Variants in PLEKHG1 observed in about 807,000 individuals in gnomAD.
PLEKHG1 encodes the protein pleckstrin homology and RhoGEF domain containing G1.
Under a neutral mutation model 100.8 loss-of-function variants are expected in PLEKHG1, and 44 were observed. That is an observed-to-expected ratio of 0.44 (90% CI 0.34 to 0.56). The LOEUF (loss-of-function observed/expected upper bound fraction) is 0.56, where lower values mean the gene tolerates loss of function less well. PLEKHG1 is among the 20% of genes least tolerant of loss of function. The probability of loss-of-function intolerance (pLI) is 0.01; values close to 1 mark genes in which losing one functional copy is unlikely to be tolerated. For missense variants in PLEKHG1, 1,545 were observed against 1,720.9 expected (o/e 0.90, Z 1.81); for synonymous variants, 640 against 662.5 (o/e 0.97, Z 0.52).
At chr6:150,756,223 C>T (rs1469803887) in intron 2 of PLEKHG1, among the ~76,000 whole-genome samples, 1 of 152,178 alleles carries the variant, frequency 6.6e-6, no homozygotes, top group Non-Finnish European at 1.5e-5. Flanking sequence ...AACATCCCAT[C>T]ACTTTGGCCC....
intron 3 of PLEKHG1, among the ~76,000 whole-genome samples, chr6:150,776,470 G>A (rs1055492702): frequency 7.6e-6 from 1 of 130,802 alleles, no homozygotes; most frequent in Non-Finnish European, 1.5e-5. Flanking sequence ...TCACACTGAT[G>A]CAATCCTGGC....
intron 3 of PLEKHG1, among the ~76,000 whole-genome samples, chr6:150,675,305 G>C (rs1410002822): frequency 6.6e-6 from 1 of 152,156 alleles, no homozygotes; most frequent in Non-Finnish European, 1.5e-5. Context: ...GAGCTTACCT[G>C]AAGACACGCG....
At chr6:150,674,044 G>A (rs941287363) in intron 3 of PLEKHG1, among the ~76,000 whole-genome samples, 5 of 152,134 alleles carry the variant, frequency 3.3e-5, no homozygotes, top group Admixed American at 6.5e-5. Context: ...CACACAAAGT[G>A]TGTAGACATG....
At chr6:150,787,873 A>T (rs1046131322) in intron 4 of PLEKHG1, among the ~76,000 whole-genome samples, 1 of 152,254 alleles carries the variant, frequency 6.6e-6, no homozygotes, top group Non-Finnish European at 1.5e-5. Context: ...GCTTACACAT[A>T]CAATCCTTTT....
intron 2 of PLEKHG1, among the ~76,000 whole-genome samples, chr6:150,648,239 T>C (rs185362052): frequency 1.3e-5 from 2 of 152,254 alleles, no homozygotes; most frequent in East Asian, 3.9e-4. Context: ...ATATTTCTTT[T>C]ATGGTATCTT....
intron 1 of PLEKHG1, among the ~76,000 whole-genome samples, chr6:150,617,972 C>G (rs1173866886): frequency 1.3e-5 from 2 of 152,138 alleles, no homozygotes; most frequent in Admixed American, 6.5e-5. Flanking sequence ...GTGGGAGACT[C>G]AGCATGCGTG....
At chr6:150,829,055 A>G (rs1372447918) in intron 14 of PLEKHG1, among the ~76,000 whole-genome samples, 4 of 152,332 alleles carry the variant, frequency 2.6e-5, no homozygotes, top group African/African-American at 7.2e-5. Flanking sequence ...TTCCCTCTCT[A>G]ATAGATATTC....
At position 150,703,956 on chromosome 6, in the gene PLEKHG1, T is replaced by G. The variant is rs552559174; in HGVS notation, c.-98-29628T>G. Among the ~76,000 whole-genome samples the G allele has an allele frequency of 2.0e-5, 3 of 152,396 alleles. No homozygotes were observed. In the East Asian group the frequency reaches 5.8e-4, roughly 29 times the overall value. On this transcript the variant is annotated intron_variant, in intron 3 of 3. Coordinates refer to the PLEKHG1 transcript ENST00000367326. ...ATATTATTATCCCTGACAATGGAAC[T>G]AATTTTAAGTCTTTTCAGTTTGACA...
intron 1 of PLEKHG1, among the ~76,000 whole-genome samples, chr6:150,607,202 T>C (rs1776637034): frequency 6.6e-6 from 1 of 152,036 alleles, no homozygotes; most frequent in Non-Finnish European, 1.5e-5. Flanking sequence ...TTAGCCAGGA[T>C]GATTTAAGGC....
At chr6:150,681,546 T>TA (rs1779933424) in intron 3 of PLEKHG1, among the ~76,000 whole-genome samples, 1 of 152,100 alleles carries the variant, frequency 6.6e-6, no homozygotes, top group Admixed American at 6.5e-5. Flanking sequence ...TCTTTTTTTT[T>TA]ATTTCCCTTC....
chr6:150,824,845 T>A (rs1188219264), intron 14 of PLEKHG1, among the ~76,000 whole-genome samples: 1 of 152,154 alleles, frequency 6.6e-6, no homozygotes, highest in African/African-American at 2.4e-5. Context: ...TAATCTTACC[T>A]TTAAGTGATT....
In PLEKHG1 at chr6:150,840,240, C is replaced by T. The variant is rs1017719233; in HGVS notation, c.3502C>T (p.Arg1168Trp). The change falls in exon 16 of 16, where the codon CGG becomes TGG. Residue 1168 changes from arginine (R) to tryptophan (W), a missense_variant. Coordinates refer to ENST00000358517, the Ensembl canonical transcript of PLEKHG1. Reference sequence around the variant, plus strand: ...GGACCATCTTTACAACTCCTTGGGTCGGAAAGGGATCAGCGCTAAATCTCA... The same window carrying T: ...GGACCATCTTTACAACTCCTTGGGTTGGAAAGGGATCAGCGCTAAATCTCA... The T allele has an allele frequency of 1.9e-5, 30 of 1,614,028 alleles. No individual in the cohort carries two copies. The highest frequency in any genetic ancestry group is 9.3e-5 in the African/African-American group (7 of 74,896).
At position 150,628,580 on chromosome 6, in the gene PLEKHG1, C is replaced by G. The variant is rs574690336; in HGVS notation, c.-203-9500C>G. 1.1e-4 allele frequency among the ~76,000 whole-genome samples: 4 copies of G among 38,024 alleles called. No individual in the cohort carries two copies. The South Asian group carries it at 4.1e-3, about 39-fold the overall frequency. 24.9% of individuals were successfully genotyped at this position (38,024 alleles called of 152,430 possible). The stretch of plus-strand genomic sequence containing the variant: ...CACACACACACACACACACACACCC[C>G]GTCCTTGCCCTCCTGCACTGAACCC... On this transcript the variant is annotated intron_variant, in intron 1 of 3. Coordinates refer to the PLEKHG1 transcript ENST00000367326.
At chr6:150,631,372 A>G (rs1562395480) in intron 1 of PLEKHG1, among the ~76,000 whole-genome samples, 1 of 152,180 alleles carries the variant, frequency 6.6e-6, no homozygotes, top group Non-Finnish European at 1.5e-5. Context: ...GGTGATGGAC[A>G]GACAGGACTG....
At chr6:150,838,665 G>T (rs948170928) in intron 15 of PLEKHG1, among the ~76,000 whole-genome samples, 6 of 152,182 alleles carry the variant, frequency 3.9e-5, no homozygotes, top group African/African-American at 1.2e-4. Flanking sequence ...CATGGTTAAT[G>T]TATTAATATT....
chr6:150,760,178 A>G (rs533029966), intron 2 of PLEKHG1, among the ~76,000 whole-genome samples: 2 of 152,242 alleles, frequency 1.3e-5, no homozygotes, highest in East Asian at 3.9e-4. Context: ...CTCTGATTAT[A>G]ATGAAGATGA....
rs1008282746 is a variant in PLEKHG1, at chr6:150,802,589, CTA to C, written c.780+1721_780+1722del. Among the ~76,000 whole-genome samples the C allele has an allele frequency of 2.6e-5, 4 of 151,554 alleles. No homozygotes were observed. In the East Asian group the frequency reaches 7.7e-4, roughly 29 times the overall value. On this transcript the variant is annotated intron_variant, in intron 6 of 15. Transcript: ENST00000358517. Reference sequence around the variant, plus strand: ...AAACAGTGGTTGGATTAATCCAAAACTAACTTCTGGTTGCTTTTGAAGTGTTT... The same window carrying C: ...AAACAGTGGTTGGATTAATCCAAAACACTTCTGGTTGCTTTTGAAGTGTTT...
At chr6:150,706,986 C>CTTTTT (rs1781040055) in intron 3 of PLEKHG1, among the ~76,000 whole-genome samples, 4 of 54,710 alleles carry the variant, frequency 7.3e-5, no homozygotes, top group Admixed American at 2.1e-4. Flanking sequence ...CTTTTCTTTT[C>CTTTTT]TTTTTCTTTT....
chr6:150,612,204 G>C (rs1482114059), intron 1 of PLEKHG1, among the ~76,000 whole-genome samples: 12 of 152,124 alleles, frequency 7.9e-5, no homozygotes, highest in Non-Finnish European at 1.8e-4. Flanking sequence ...CCCCTTCCCA[G>C]CCTTTTAGAC....
Sources: gnomAD v4.1 joint callset for allele counts (sites outside exome capture counted in the v4.1 genomes callset) on GRCh38, gnomAD v4.1.1 for gene constraint, MANE v1.5 for transcripts, NCBI Gene and HGNC (gene_info 2026-07-23, HGNC 2026-07-21) for gene names.